The following SLC36A4 variants were observed in gnomAD, a reference collection of about 807,000 sequenced individuals.
The protein encoded by SLC36A4 is solute carrier family 36 member 4, also known as neutral amino acid uniporter 4.
Under a neutral mutation model 50.5 loss-of-function variants are expected in SLC36A4, and 49 were observed. That is an observed-to-expected ratio of 0.97 (90% confidence interval 0.77 to 1.23). The LOEUF is 1.23. SLC36A4 is among the 50% of genes most tolerant of loss of function. The pLI is 0.00. For missense variants in SLC36A4, 611 were observed against 608.4 expected, an observed-to-expected ratio of 1.00 and a Z score of -0.05; for synonymous variants, 207 against 206.5, an observed-to-expected ratio of 1.00 and a Z score of -0.02.
chr11:93,191,435 A>G (rs990796587), intron 1 of SLC36A4, among the ~76,000 whole-genome samples: 1 of 152,358 alleles, frequency 6.6e-6, no homozygotes, highest in Non-Finnish European at 1.5e-5. Flanking sequence ...GGAAAGCTTG[A>G]TAAGTTTTCT....
rs886328100 is a variant in SLC36A4, at chr11:93,196,393, G to C, written c.55+1385C>G. The stretch of plus-strand genomic sequence containing the variant: ...AAGCACTTTTTTTTTTTGAGACAGA[G>C]TCTCGCTCTGTTGCCCAGGCTGGAG... On this transcript the variant is annotated intron_variant, in intron 1 of 10. Transcript: ENST00000326402. 2.0e-5 allele frequency among the ~76,000 whole-genome samples: 3 copies of C among 151,928 alleles called. No individual in the cohort carries two copies. The East Asian group carries it at 5.8e-4, about 29-fold the overall frequency.
At position 93,184,375 on chromosome 11, in the gene SLC36A4, T is replaced by C. The variant is rs16918630; in HGVS notation, c.270+55A>G. 2.4e-3 allele frequency: 2,594 copies of C among 1,067,806 alleles called. 56 individuals carry two copies. In the African/African-American group the frequency reaches 0.036, roughly 15 times the overall value. 66.1% of individuals were successfully genotyped at this position (1,067,806 alleles called of 1,614,324 possible). A position where few individuals can be genotyped will look rare whatever the true frequency, so the allele number is the denominator to read the frequency against. The stretch of plus-strand genomic sequence containing the variant: ...TTGACTAGGCCAGATATTAGGTTGC[T>C]ATAAATGAGACTGAGAACTGCATCT... On this transcript the variant is annotated intron_variant, in intron 3 of 10. Transcript: ENST00000326402.
chr11:93,192,250 T>C (rs946404712), intron 1 of SLC36A4, among the ~76,000 whole-genome samples: 8 of 151,494 alleles, frequency 5.3e-5, no homozygotes, highest in Non-Finnish European at 1.0e-4. Context: ...GGAGCAGGAG[T>C]GAGCAGCGTG....
At position 93,144,843 on chromosome 11, in the gene SLC36A4, C is replaced by G. The variant is rs1674135651; in HGVS notation, c.*3694G>C. 1.3e-5 allele frequency: 2 copies of G among 152,028 alleles called. No homozygotes were observed. The highest frequency in any genetic ancestry group is 4.8e-5 in the African/African-American group (2 of 41,436). The allele number at this position is 152,028 out of a possible 1,614,324, so 9.4% of individuals were successfully genotyped here. ...GGGAAGCTAGGTGAGCCAAAAAGAT[C>G]AGACTCATTTTTTAAAAAGTCATTA... On this transcript the variant is annotated 3_prime_UTR_variant, in exon 11 of 11. Transcript: ENST00000326402.
At chr11:93,178,177 T>C (rs989221608) in intron 6 of SLC36A4, among the ~76,000 whole-genome samples, 6 of 152,200 alleles carry the variant, frequency 3.9e-5, no homozygotes, top group Non-Finnish European at 8.8e-5. Context: ...CGAGGCTTTG[T>C]TGGCGTGGGA....
rs570822056 is a variant in SLC36A4, at chr11:93,148,482, T to C, written c.*55A>G. 1.1e-5 allele frequency: 16 copies of C among 1,454,016 alleles called. No individual in the cohort carries two copies. The Admixed American group carries it at 1.9e-4, about 17-fold the overall frequency. The allele number at this position is 1,454,016 out of a possible 1,614,324, so 90.1% of individuals were successfully genotyped here. A position where few individuals can be genotyped will look rare whatever the true frequency, so the allele number is the denominator to read the frequency against. On this transcript the variant is annotated 3_prime_UTR_variant, in exon 11 of 11. Coordinates refer to ENST00000326402, the MANE Select transcript of SLC36A4 (RefSeq NM_152313.4). ...ATATAGCAATGTATTTTACTAGTTA[T>C]CTTGATAATTTTCAGAAATGGGACA...
intron 6 of SLC36A4, among the ~76,000 whole-genome samples, chr11:93,178,153 G>A (rs1208515533): frequency 5.3e-5 from 8 of 152,182 alleles, no homozygotes; most frequent in Non-Finnish European, 1.0e-4. Context: ...CTAGCTCACT[G>A]TGCTAGCAGT....
At chr11:93,190,492 ATACG>A (rs1032675896) in intron 1 of SLC36A4, among the ~76,000 whole-genome samples, 3 of 152,188 alleles carry the variant, frequency 2.0e-5, no homozygotes, top group Non-Finnish European at 4.4e-5. Flanking sequence ...TACTCCACAA[ATACG>A]TACAATTACT....
chr11:93,166,095 A>G, intron 7 of SLC36A4, 79 bp from the exon 8 acceptor site: 1 of 1,314,784 alleles, frequency 7.6e-7, no homozygotes, highest in Non-Finnish European at 1.0e-6. Flanking sequence ...GAAAAATCAT[A>G]TAATTTTGAG....
intron 6 of SLC36A4, among the ~76,000 whole-genome samples, chr11:93,177,965 C>A (rs1311308170): frequency 6.6e-6 from 1 of 152,104 alleles, no homozygotes; most frequent in African/African-American, 2.4e-5. Context: ...TGCCCTGCCC[C>A]CAGAGGTGGA....
At chr11:93,170,348 C>T (rs950235700) in intron 6 of SLC36A4, 1 of 152,032 alleles carries the variant, frequency 6.6e-6, no homozygotes, top group Non-Finnish European at 1.5e-5. Context: ...ATTCCAACAG[C>T]AGATTATGTT....
At chr11:93,153,971 G>A (rs957636047) in intron 10 of SLC36A4, 137 bp downstream of exon 10, 1 of 430,474 alleles carries the variant, frequency 2.3e-6, no homozygotes, top group African/African-American at 2.1e-5. Context: ...TAACCCAGCT[G>A]GGTGAATAAA....
chr11:93,152,749 T>C (rs776023650), intron 10 of SLC36A4: 3 of 152,122 alleles, frequency 2.0e-5, no homozygotes, highest in Non-Finnish European at 4.4e-5. Context: ...CAAACTCCTT[T>C]ACCTGAATTT....
intron 1 of SLC36A4, among the ~76,000 whole-genome samples, chr11:93,186,775 A>C (rs917695751): frequency 4.3e-4 from 65 of 152,288 alleles, no homozygotes; most frequent in African/African-American, 1.5e-3. Flanking sequence ...TCTCTGCCAA[A>C]GTTTCCTCAA....
At chr11:93,177,064 T>C (rs577495856) in intron 6 of SLC36A4, among the ~76,000 whole-genome samples, 1 of 152,358 alleles carries the variant, frequency 6.6e-6, no homozygotes, top group African/African-American at 2.4e-5. Context: ...GTTGTCTCCA[T>C]TCTCCCCAAC....
chr11:93,184,822 G>A (rs1305385602), intron 2 of SLC36A4, among the ~76,000 whole-genome samples: 1 of 152,110 alleles, frequency 6.6e-6, no homozygotes, highest in Non-Finnish European at 1.5e-5. Flanking sequence ...GTGTGGTTTT[G>A]TACACAGTGA....
chr11:93,155,443 TGGTATATAATGTCAA>T (rs1193171351), intron 9 of SLC36A4: 5 of 152,284 alleles, frequency 3.3e-5, no homozygotes, highest in Non-Finnish European at 7.4e-5. Context: ...ATTCTACTTT[TGGTATATAATGTCAA>T]GGTATATAAA....
At chr11:93,162,621 T>C (rs1051592504) in intron 9 of SLC36A4, 85 bp downstream of exon 9, 6 of 1,202,704 alleles carry the variant, frequency 5.0e-6, no homozygotes, top group Admixed American at 2.5e-5. Flanking sequence ...GTTTAAACCA[T>C]AAATCCAAGA....
At chr11:93,150,241 T>C (rs1213633956) in intron 10 of SLC36A4, among the ~76,000 whole-genome samples, 1 of 152,070 alleles carries the variant, frequency 6.6e-6, no homozygotes, top group Non-Finnish European at 1.5e-5. Context: ...GACGATTATA[T>C]CACCACATTT....
Sources: allele counts gnomAD v4.1 joint callset (sites outside exome capture counted in the v4.1 genomes callset), GRCh38; gene constraint gnomAD v4.1.1; transcripts MANE v1.5; gene names NCBI Gene and HGNC (gene_info 2026-07-23, HGNC 2026-07-21).